The following ARHGAP26 variants were observed in gnomAD, a reference collection of about 807,000 sequenced individuals.
The protein encoded by ARHGAP26 is Rho GTPase activating protein 26.
Under a neutral mutation model 104.8 loss-of-function variants are expected in ARHGAP26, and 38 were observed. The observed-to-expected ratio is 0.36, with a 90% CI of 0.28 to 0.48. The LOEUF is 0.48. Ranked by LOEUF, ARHGAP26 falls within the 20% of genes least tolerant of loss-of-function variation. The pLI, the probability that ARHGAP26 is intolerant of heterozygous loss-of-function variation, is 0.99. For missense variants in ARHGAP26, 704 were observed against 947.9 expected (o/e 0.74, Z 3.38); for synonymous variants, 341 against 340.0 (o/e 1.00, Z -0.03).
intron 4 of ARHGAP26, among the ~76,000 whole-genome samples, chr5:142,880,008 T>G (rs1008311959): frequency 2.0e-5 from 3 of 152,218 alleles, no homozygotes; most frequent in Non-Finnish European, 4.4e-5. Context: ...TGAAATTTCT[T>G]GTTGGCAAAT....
At chr5:143,065,744 C>G (rs146114263) in intron 17 of ARHGAP26, among the ~76,000 whole-genome samples, 14 of 152,264 alleles carry the variant, frequency 9.2e-5, no homozygotes, top group Non-Finnish European at 1.9e-4. Flanking sequence ...AGCCTCATGC[C>G]TGCGTTTCTT....
intron 1 of ARHGAP26, among the ~76,000 whole-genome samples, chr5:142,831,716 A>C (rs1490046772): frequency 6.6e-6 from 1 of 151,726 alleles, no homozygotes; most frequent in Non-Finnish European, 1.5e-5. Flanking sequence ...GGGTCTTTGG[A>C]TGGTGAAGCC....
chr5:143,088,539 G>A (rs1190419488), intron 17 of ARHGAP26, among the ~76,000 whole-genome samples: 3 of 152,040 alleles, frequency 2.0e-5, no homozygotes, highest in Admixed American at 6.6e-5. Flanking sequence ...TAAATTTCAT[G>A]TGAAGCAGAA....
At chr5:143,177,487 C>A (rs185882383) in intron 20 of ARHGAP26, among the ~76,000 whole-genome samples, 2 of 152,282 alleles carry the variant, frequency 1.3e-5, no homozygotes, top group East Asian at 1.9e-4. Context: ...AGAGCTGGCA[C>A]GTCAGTAGCA....
chr5:143,215,267 TGTCCTCTAA>T (rs917957290), intron 22 of ARHGAP26, among the ~76,000 whole-genome samples: 8 of 152,260 alleles, frequency 5.3e-5, no homozygotes, highest in African/African-American at 1.9e-4. Flanking sequence ...CTTAAAGGTC[TGTCCTCTAA>T]GTCCCAATTC....
At chr5:142,846,780 T>G (rs1717789944) in intron 1 of ARHGAP26, among the ~76,000 whole-genome samples, 1 of 152,194 alleles carries the variant, frequency 6.6e-6, no homozygotes, top group African/African-American at 2.4e-5. Flanking sequence ...CAGATGTCCT[T>G]TAGTCTTGTT....
chr5:143,184,746 C>G (rs1804892504), intron 20 of ARHGAP26, among the ~76,000 whole-genome samples: 1 of 152,202 alleles, frequency 6.6e-6, no homozygotes, highest in Middle Eastern at 3.4e-3. Context: ...CCATTTTTGC[C>G]TTAGCAAGTC....
At chr5:143,123,301 G>A (rs1276371961) in intron 18 of ARHGAP26, among the ~76,000 whole-genome samples, 1 of 152,224 alleles carries the variant, frequency 6.6e-6, no homozygotes. Flanking sequence ...ATTGGAATAA[G>A]CCATCTTGAC....
At chr5:142,968,959 TCTTA>T (rs1164231216) in intron 11 of ARHGAP26, among the ~76,000 whole-genome samples, 2 of 152,218 alleles carry the variant, frequency 1.3e-5, no homozygotes, top group East Asian at 3.8e-4. Context: ...TCAGACAGGG[TCTTA>T]CTATGTCACC....
At chr5:142,778,771 T>G (rs1756878384) in intron 1 of ARHGAP26, among the ~76,000 whole-genome samples, 1 of 152,202 alleles carries the variant, frequency 6.6e-6, no homozygotes, top group Non-Finnish European at 1.5e-5. Flanking sequence ...TTACAAGCCC[T>G]TTGACATCTG....
intron 11 of ARHGAP26, among the ~76,000 whole-genome samples, chr5:143,006,506 T>C (rs11750827): frequency 0.57 from 87,063 of 151,914 alleles, 28,621 homozygotes; most frequent in Non-Finnish European, 0.75. Flanking sequence ...AACTATATTT[T>C]TATTGGTTTC....
chr5:142,983,457 C>T (rs907558442), intron 11 of ARHGAP26, among the ~76,000 whole-genome samples: 9 of 152,162 alleles, frequency 5.9e-5, no homozygotes, highest in African/African-American at 1.2e-4. Context: ...CTGCCCTCCT[C>T]GGCCTCTCAA....
At chr5:142,941,057 T>G (rs1420045966) in intron 11 of ARHGAP26, among the ~76,000 whole-genome samples, 7 of 111,634 alleles carry the variant, frequency 6.3e-5, no homozygotes, top group Non-Finnish European at 1.1e-4. Context: ...CCTGGGCGAC[T>G]GAGAGCGACT....
intron 11 of ARHGAP26, among the ~76,000 whole-genome samples, chr5:142,942,936 C>T (rs796464479): frequency 1.4e-4 from 21 of 152,316 alleles, no homozygotes; most frequent in African/African-American, 4.6e-4. Context: ...CGTGCCACCA[C>T]ACCTGGCTAA....
chr5:142,828,311 A>G (rs773424907), intron 1 of ARHGAP26, among the ~76,000 whole-genome samples: 1 of 152,196 alleles, frequency 6.6e-6, no homozygotes, highest in African/African-American at 2.4e-5. Flanking sequence ...TGCACTCTGT[A>G]CGATTCCACT....
chr5:143,116,223 G>A (rs1270582011), intron 17 of ARHGAP26, among the ~76,000 whole-genome samples: 3 of 152,166 alleles, frequency 2.0e-5, no homozygotes, highest in Non-Finnish European at 2.9e-5. Flanking sequence ...TTGTTGTAGA[G>A]CTTTTTTAAA....
At chr5:143,161,315 G>C (rs904799177) in intron 20 of ARHGAP26, among the ~76,000 whole-genome samples, 5 of 152,074 alleles carry the variant, frequency 3.3e-5, no homozygotes, top group South Asian at 2.1e-4. Flanking sequence ...CCCGGCCTCA[G>C]ATTTCCTATT....
At chr5:142,830,710 C>G (rs184756441) in intron 1 of ARHGAP26, among the ~76,000 whole-genome samples, 28 of 152,272 alleles carry the variant, frequency 1.8e-4, no homozygotes, top group African/African-American at 6.3e-4. Context: ...GTGGGAGAGA[C>G]AGACAGACAG....
intron 20 of ARHGAP26, among the ~76,000 whole-genome samples, chr5:143,166,649 C>T (rs1334620661): frequency 1.3e-5 from 2 of 152,184 alleles, no homozygotes; most frequent in Non-Finnish European, 2.9e-5. Context: ...ATTTCACCTG[C>T]TGCTTTGCTA....
Sources: gnomAD v4.1 joint callset for allele counts (sites outside exome capture counted in the v4.1 genomes callset) on GRCh38, gnomAD v4.1.1 for gene constraint, MANE v1.5 for transcripts, NCBI Gene and HGNC (gene_info 2026-07-23, HGNC 2026-07-21) for gene names.